MTAP: variants seen among roughly 807,000 people sequenced by gnomAD.
The protein encoded by MTAP is methylthioadenosine phosphorylase.
A neutral mutation model predicts 33.6 loss-of-function variants in MTAP; 33 were observed. That is an observed-to-expected ratio of 0.98 (90% CI 0.74 to 1.31). The LOEUF is 1.31. Ranked by LOEUF, MTAP falls within the 40% of genes most tolerant of loss-of-function variation. The pLI is 0.00. For synonymous variants in MTAP, 148 were observed against 125.7 expected, an observed-to-expected ratio of 1.18 and a Z score of -1.19; for missense variants, 367 against 360.0, an observed-to-expected ratio of 1.02 and a Z score of -0.16.
In MTAP at chr9:21,815,989, T is replaced by G. The variant is rs1012109293; in HGVS notation, c.120+470T>G. ...ACCTGATGTTAGTTGAATGTGTAAC[T>G]GAGCTAGAAATAAAATGCTCCTCCT... is the stretch of plus-strand genomic sequence containing the variant. On this transcript the variant is annotated intron_variant, in intron 2 of 7. Transcript: ENST00000644715. Among the ~76,000 whole-genome samples the G allele has an allele frequency of 7.8e-4, 119 of 152,212 alleles. 7 individuals carry two copies. Among genetic ancestry groups the G allele is most frequent in the Non-Finnish European group, 5.9e-5 (4 of 68,040 alleles).
chr9:21,819,789 C>T (rs962721763), intron 4 of MTAP, among the ~76,000 whole-genome samples: 2 of 152,226 alleles, frequency 1.3e-5, no homozygotes, highest in African/African-American at 2.4e-5. Flanking sequence ...TCTCCACATC[C>T]TCTCCAGCAC....
intron 1 of MTAP, 132 bp downstream of exon 1, chr9:21,802,913 G>GCGCGGCACT: frequency 6.9e-7 from 1 of 1,452,872 alleles, no homozygotes; most frequent in South Asian, 1.5e-5. Flanking sequence ...AGGGACTGGG[G>GCGCGGCACT]CGCGGCACTC....
chr9:21,908,396 G>A (rs746062536), intron 1 of MTAP, among the ~76,000 whole-genome samples: 1 of 152,058 alleles, frequency 6.6e-6, no homozygotes, highest in African/African-American at 2.4e-5. Flanking sequence ...TTTTGATTAC[G>A]GTAAGTAAAG....
intron 1 of MTAP, among the ~76,000 whole-genome samples, chr9:21,806,245 G>A (rs974818831): frequency 6.6e-6 from 1 of 152,106 alleles, no homozygotes; most frequent in Non-Finnish European, 1.5e-5. Flanking sequence ...TGGAGGTGGT[G>A]AGGAATAATC....
chr9:21,890,735 G>T (rs1818187572), intron 1 of MTAP, among the ~76,000 whole-genome samples: 1 of 152,162 alleles, frequency 6.6e-6, no homozygotes, highest in Non-Finnish European at 1.5e-5. Context: ...GTTCCCCAGT[G>T]AGGATGTGTG....
chr9:21,809,778 C>T (rs180988577), intron 1 of MTAP, among the ~76,000 whole-genome samples: 12 of 152,294 alleles, frequency 7.9e-5, no homozygotes, highest in Admixed American at 7.8e-4. Context: ...GAGGCCTGGG[C>T]TTTGGTATTG....
intron 1 of MTAP, among the ~76,000 whole-genome samples, chr9:21,883,102 A>C (rs1205201015): frequency 6.6e-6 from 1 of 151,908 alleles, no homozygotes; most frequent in African/African-American, 2.4e-5. Flanking sequence ...GAACAGGAGA[A>C]GATATATGCA....
intron 1 of MTAP, among the ~76,000 whole-genome samples, chr9:21,881,414 C>G (rs1818009683): frequency 6.6e-6 from 1 of 151,940 alleles, no homozygotes; most frequent in Non-Finnish European, 1.5e-5. Context: ...ACAAATGGAA[C>G]TAGATCAAAC....
chr9:21,930,911 C>G, intron 1 of MTAP: 1 of 641,360 alleles, frequency 1.6e-6, no homozygotes, highest in South Asian at 1.8e-5. Context: ...GGGTTCTTCC[C>G]TTTTTAGGCC....
At chr9:21,802,888 C>T in intron 1 of MTAP, 107 bp downstream of exon 1, 1 of 1,496,800 alleles carries the variant, frequency 6.7e-7, no homozygotes, top group Non-Finnish European at 8.9e-7. Flanking sequence ...CCGTGCGTCC[C>T]TTGCCGCCGC....
Position 21,907,747 on chromosome 9 carries a change from A to T in MTAP, c.148-23261A>T, listed in dbSNP as rs1202102635. On this transcript the variant is annotated intron_variant, in intron 1 of 1. Coordinates refer to the MTAP transcript ENST00000577563. ...AAGACATATATAAGTCACAAGAAAAAATTTTAAATTTCCTTTACTCTTACC... is the reference window on the plus strand; with the variant it reads ...AAGACATATATAAGTCACAAGAAAATATTTTAAATTTCCTTTACTCTTACC... Among the ~76,000 whole-genome samples, 4 of 152,154 alleles carry T rather than the reference A, an allele frequency of 2.6e-5. No individual in the cohort carries two copies. The East Asian group carries it at 7.7e-4, about 29-fold the overall frequency.
intron 4 of MTAP, among the ~76,000 whole-genome samples, chr9:21,825,142 A>G (rs1275523772): frequency 6.6e-6 from 1 of 152,150 alleles, no homozygotes; most frequent in East Asian, 1.9e-4. Flanking sequence ...CAGTGAGATG[A>G]ACCCGGTACC....
chr9:21,895,714 A>G (rs1360605219), intron 1 of MTAP, among the ~76,000 whole-genome samples: 1 of 152,218 alleles, frequency 6.6e-6, no homozygotes, highest in East Asian at 1.9e-4. Flanking sequence ...GCTCACTGCT[A>G]GCACGGCAGT....
At chr9:21,926,001 G>A (rs1818863333) in intron 1 of MTAP, among the ~76,000 whole-genome samples, 1 of 152,160 alleles carries the variant, frequency 6.6e-6, no homozygotes, top group African/African-American at 2.4e-5. Context: ...ATAGCAGAAT[G>A]TCCTACACTG....
intron 5 of MTAP, among the ~76,000 whole-genome samples, chr9:21,843,705 A>G (rs1367096629): frequency 6.6e-6 from 1 of 152,230 alleles, no homozygotes; most frequent in Non-Finnish European, 1.5e-5. Context: ...CTGAATGATT[A>G]TAGTGACACA....
chr9:21,909,035 G>T (rs1818521113), intron 1 of MTAP, among the ~76,000 whole-genome samples: 1 of 151,954 alleles, frequency 6.6e-6, no homozygotes, highest in Non-Finnish European at 1.5e-5. Context: ...AGAAGAAAAG[G>T]AAAACTAATT....
intron 1 of MTAP, among the ~76,000 whole-genome samples, chr9:21,873,238 G>A (rs1017594910): frequency 6.6e-6 from 1 of 152,058 alleles, no homozygotes; most frequent in Non-Finnish European, 1.5e-5. Context: ...TTATCTTATA[G>A]TTTGTCTTCT....
intron 5 of MTAP, among the ~76,000 whole-genome samples, chr9:21,844,158 C>T (rs1433508685): frequency 6.6e-6 from 1 of 152,004 alleles, no homozygotes; most frequent in Non-Finnish European, 1.5e-5. Context: ...GGAAATATAC[C>T]ACCCTCCCCA....
chr9:21,894,392 C>T (rs4977743), intron 1 of MTAP, among the ~76,000 whole-genome samples: 35,262 of 151,700 alleles, frequency 0.23, 4,388 homozygotes, highest in Admixed American at 0.36. Flanking sequence ...TAGTACTGGA[C>T]GTCCTAGCCA....
Sources: allele counts gnomAD v4.1 joint callset (sites outside exome capture counted in the v4.1 genomes callset), GRCh38; gene constraint gnomAD v4.1.1; transcripts MANE v1.5; gene names NCBI Gene and HGNC (gene_info 2026-07-23, HGNC 2026-07-21).